The following CLINT1 variants were observed in gnomAD, a reference collection of about 807,000 sequenced individuals.
CLINT1 encodes the protein clathrin interacting protein localized in the trans-Golgi region.
In CLINT1, 15 loss-of-function variants were observed where a neutral mutation model predicts 70.4. The observed-to-expected ratio is 0.21, with a 90% CI of 0.14 to 0.33. The LOEUF (loss-of-function observed/expected upper bound fraction) is 0.33, where lower values mean the gene tolerates loss of function less well. CLINT1 is among the 10% of genes least tolerant of loss of function. The pLI, the probability that CLINT1 is intolerant of heterozygous loss-of-function variation, is 1.00. For synonymous variants in CLINT1, 227 were observed against 254.7 expected, an observed-to-expected ratio of 0.89 and a Z score of 1.04; for missense variants, 615 against 778.1, an observed-to-expected ratio of 0.79 and a Z score of 2.49.
intron 3 of CLINT1, among the ~76,000 whole-genome samples, chr5:157,816,298 A>G (rs968627326): frequency 4.6e-5 from 7 of 152,220 alleles, no homozygotes; most frequent in Non-Finnish European, 7.4e-5. Context: ...GTTCGTATTC[A>G]TAAGTTTAAA....
chr5:157,858,666 T>A (rs1753832239), intron 1 of CLINT1, among the ~76,000 whole-genome samples: 1 of 151,200 alleles, frequency 6.6e-6, no homozygotes, highest in Admixed American at 6.6e-5. Context: ...CACCCAGGGG[T>A]TGGAATAGGG....
chr5:157,841,982 G>A (rs189073674), intron 1 of CLINT1, among the ~76,000 whole-genome samples: 1,710 of 152,150 alleles, frequency 0.011, 19 homozygotes, highest in Non-Finnish European at 0.019. Flanking sequence ...TTTCAGAGCT[G>A]AACTAGCCAA....
chr5:157,803,856 T>A, intron 7 of CLINT1, 137 bp from the exon 8 acceptor site: 2 of 494,560 alleles, frequency 4.0e-6, no homozygotes, highest in Non-Finnish European at 6.9e-6. Flanking sequence ...GGAAAAAGAG[T>A]ACTGACCTTG....
At chr5:157,830,121 T>C (rs1464342189) in intron 1 of CLINT1, among the ~76,000 whole-genome samples, 1 of 151,830 alleles carries the variant, frequency 6.6e-6, no homozygotes, top group African/African-American at 2.4e-5. Flanking sequence ...TTAGTTTTTA[T>C]ATTTTTTGTA....
chr5:157,830,796 C>CTATATATATATATA (rs369160163), intron 1 of CLINT1, among the ~76,000 whole-genome samples: 11 of 85,714 alleles, frequency 1.3e-4, no homozygotes, highest in African/African-American at 5.6e-4. Context: ...CTCTCTCTCT[C>CTATATATATATATA]TATATATATA....
intron 9 of CLINT1, among the ~76,000 whole-genome samples, chr5:157,794,499 T>A (rs927976549): frequency 1.3e-5 from 2 of 152,224 alleles, no homozygotes; most frequent in African/African-American, 4.8e-5. Flanking sequence ...AAGGAATGCA[T>A]TTTAGTAAGA....
At chr5:157,857,623 A>G (rs1753801315) in intron 1 of CLINT1, among the ~76,000 whole-genome samples, 1 of 152,176 alleles carries the variant, frequency 6.6e-6, no homozygotes, top group Non-Finnish European at 1.5e-5. Flanking sequence ...GCCTCACAAC[A>G]ACATTCTAAG....
intron 10 of CLINT1, chr5:157,790,587 A>G: frequency 2.2e-6 from 1 of 453,360 alleles, no homozygotes; most frequent in South Asian, 1.6e-5. Flanking sequence ...TTTCTGTTAC[A>G]TAGAGCAGTC....
intron 1 of CLINT1, among the ~76,000 whole-genome samples, chr5:157,853,486 T>C (rs1753643123): frequency 6.6e-6 from 1 of 150,916 alleles, no homozygotes; most frequent in Non-Finnish European, 1.5e-5. Context: ...GATGAAAAAC[T>C]GCTTTGTAGG....
chr5:157,852,529 A>C (rs1401795984), intron 1 of CLINT1, among the ~76,000 whole-genome samples: 1 of 152,210 alleles, frequency 6.6e-6, no homozygotes, highest in Non-Finnish European at 1.5e-5. Context: ...TTCTAGTGTT[A>C]TACTGTTTTG....
intron 9 of CLINT1, among the ~76,000 whole-genome samples, chr5:157,793,711 T>C (rs13361922): frequency 0.015 from 2,255 of 152,230 alleles, 55 homozygotes; most frequent in African/African-American, 0.051. Context: ...ATTCTTACTT[T>C]CAAAATGAAG....
intron 7 of CLINT1, among the ~76,000 whole-genome samples, chr5:157,804,042 A>G (rs994271478): frequency 2.4e-4 from 27 of 113,510 alleles, no homozygotes; most frequent in Admixed American, 5.6e-4. Context: ...TTCATTAAAA[A>G]AAAAAAAAAA....
At chr5:157,807,096 G>A (rs995851928) in intron 6 of CLINT1, among the ~76,000 whole-genome samples, 6 of 119,142 alleles carry the variant, frequency 5.0e-5, no homozygotes, top group South Asian at 2.8e-4. Flanking sequence ...GGAATATAAT[G>A]TTTAAAATTC....
At chr5:157,797,397 T>C (rs1265175090) in intron 8 of CLINT1, among the ~76,000 whole-genome samples, 1 of 152,124 alleles carries the variant, frequency 6.6e-6, no homozygotes, top group African/African-American at 2.4e-5. Flanking sequence ...CTGTTTTTCT[T>C]TGTTTTTGAG....
chr5:157,789,205 C>A (rs1761828130), intron 11 of CLINT1, among the ~76,000 whole-genome samples, 158 bp downstream of exon 11: 1 of 152,074 alleles, frequency 6.6e-6, no homozygotes. Flanking sequence ...AGGAGGAATA[C>A]CCAGTAAATA....
intron 7 of CLINT1, 55 bp downstream of exon 7, chr5:157,805,811 G>T: frequency 6.3e-7 from 1 of 1,599,996 alleles, no homozygotes; most frequent in South Asian, 1.1e-5. Flanking sequence ...GGAATTCGAA[G>T]AGCGGTTTAT....
intron 1 of CLINT1, among the ~76,000 whole-genome samples, chr5:157,827,159 CATAAA>C (rs1247210537): frequency 6.6e-6 from 1 of 151,998 alleles, no homozygotes; most frequent in Admixed American, 6.6e-5. Flanking sequence ...AAGCAAGCCA[CATAAA>C]ATAATTATTT....
At chr5:157,791,625 A>T in intron 10 of CLINT1, 78 bp downstream of exon 10, 2 of 1,338,080 alleles carry the variant, frequency 1.5e-6, no homozygotes, top group Non-Finnish European at 2.1e-6. Flanking sequence ...TTTCTGTTTT[A>T]TACTAATCTA....
Position 157,791,832 on chromosome 5 carries a change from G to A in CLINT1, c.1251C>T (p.Ala417=). 1 of 1,613,996 alleles carries A rather than the reference G, an allele frequency of 6.2e-7. No individual in the cohort carries two copies. The highest frequency in any genetic ancestry group is 8.5e-7 in the Non-Finnish European group (1 of 1,179,868). Reference sequence around the variant, plus strand: ...GATCAAACAGGTCTGAAGAATTTGAGGCAGCAGGAGGTGGGCCTAGAGCTG... The same window carrying A: ...GATCAAACAGGTCTGAAGAATTTGAAGCAGCAGGAGGTGGGCCTAGAGCTG... ...SQSALGPPPA[A]SNSSDLFDLM... The change falls in exon 10 of 12, where the codon GCC becomes GCT. Residue 417 remains alanine (A), a synonymous_variant. Transcript: ENST00000411809.
Sources: gnomAD v4.1 joint callset for allele counts (sites outside exome capture counted in the v4.1 genomes callset) on GRCh38, gnomAD v4.1.1 for gene constraint, MANE v1.5 for transcripts, NCBI Gene and HGNC (gene_info 2026-07-23, HGNC 2026-07-21) for gene names.